The following FSIP1 variants were observed in gnomAD, a reference collection of about 807,000 sequenced individuals.
FSIP1 encodes fibrous sheath interacting protein 1, also known as fibrous sheath-interacting protein 1.
A neutral mutation model predicts 60.9 loss-of-function variants in FSIP1; 65 were observed. The observed-to-expected ratio is 1.07, with a 90% CI of 0.87 to 1.31. The LOEUF (loss-of-function observed/expected upper bound fraction) is 1.31, where lower values mean the gene tolerates loss of function less well. FSIP1 is among the 40% of genes most tolerant of loss of function. The probability of loss-of-function intolerance (pLI) is 0.00; values close to 1 mark genes in which losing one functional copy is unlikely to be tolerated. For missense variants in FSIP1, 675 were observed against 665.5 expected (o/e 1.01, Z -0.16); for synonymous variants, 209 against 221.2 (o/e 0.94, Z 0.49).
chr15:39,766,924 C>T (rs112440995), intron 3 of FSIP1, among the ~76,000 whole-genome samples: 14,015 of 152,138 alleles, frequency 0.092, 855 homozygotes, highest in Non-Finnish European at 0.14. Context: ...ACTGCAACCT[C>T]GAACGCCTGG....
At chr15:39,603,151 G>A (rs1051650029) in intron 11 of FSIP1, among the ~76,000 whole-genome samples, 1 of 152,154 alleles carries the variant, frequency 6.6e-6, no homozygotes, top group Non-Finnish European at 1.5e-5. Flanking sequence ...AAAACTCTTG[G>A]AACTTAGAAA....
At chr15:39,767,791 C>T (rs1036329564) in intron 3 of FSIP1, among the ~76,000 whole-genome samples, 6 of 152,172 alleles carry the variant, frequency 3.9e-5, no homozygotes, top group Non-Finnish European at 7.4e-5. Flanking sequence ...ACCACCTTCC[C>T]ACTCCATCCC....
chr15:39,647,662 C>T (rs1274770467), intron 10 of FSIP1, among the ~76,000 whole-genome samples: 4 of 149,478 alleles, frequency 2.7e-5, no homozygotes, highest in African/African-American at 1.0e-4. Flanking sequence ...AAAATTTACA[C>T]TTAAAGCTTC....
intron 3 of FSIP1, among the ~76,000 whole-genome samples, chr15:39,767,226 C>T (rs886459481): frequency 1.3e-5 from 2 of 152,114 alleles, no homozygotes; most frequent in African/African-American, 4.8e-5. Flanking sequence ...AAGGAGGTTC[C>T]TTGAATCTTA....
At chr15:39,643,816 T>C (rs1014194184) in intron 10 of FSIP1, among the ~76,000 whole-genome samples, 1 of 152,250 alleles carries the variant, frequency 6.6e-6, no homozygotes, top group African/African-American at 2.4e-5. Flanking sequence ...CAGCATATAT[T>C]ATTTCATAAG....
intron 10 of FSIP1, among the ~76,000 whole-genome samples, chr15:39,626,917 A>T (rs1891663304): frequency 6.6e-6 from 1 of 152,156 alleles, no homozygotes; most frequent in South Asian, 2.1e-4. Context: ...GATCACCAGC[A>T]GCTCCTCTGC....
At chr15:39,630,388 C>T (rs1891832439) in intron 10 of FSIP1, among the ~76,000 whole-genome samples, 1 of 152,198 alleles carries the variant, frequency 6.6e-6, no homozygotes, top group Non-Finnish European at 1.5e-5. Context: ...TTAAATGACA[C>T]ATTTAAATAG....
chr15:39,641,861 C>T (rs1892384771), intron 10 of FSIP1, among the ~76,000 whole-genome samples: 1 of 152,190 alleles, frequency 6.6e-6, no homozygotes, highest in South Asian at 2.1e-4. Flanking sequence ...ACAGATTACC[C>T]AGCTGCTGTG....
At chr15:39,621,805 C>G (rs994085930) in intron 10 of FSIP1, among the ~76,000 whole-genome samples, 5 of 152,226 alleles carry the variant, frequency 3.3e-5, no homozygotes, top group African/African-American at 1.2e-4. Flanking sequence ...TACATTAAGC[C>G]CTCAAATTAA....
intron 4 of FSIP1, among the ~76,000 whole-genome samples, chr15:39,765,202 G>A (rs1897638380): frequency 6.6e-6 from 1 of 150,586 alleles, no homozygotes; most frequent in African/African-American, 2.4e-5. Context: ...GTAACACCAT[G>A]GTCCATGATT....
At chr15:39,749,268 A>AAAAAAAAAAAAAAAAAAAAAC (rs1897093304) in intron 5 of FSIP1, among the ~76,000 whole-genome samples, 1 of 150,542 alleles carries the variant, frequency 6.6e-6, no homozygotes, top group Non-Finnish European at 1.5e-5. Context: ...TCTTCCAAAA[A>AAAAAAAAAAAAAAAAAAAAAC]AAAAAAAACC....
At chr15:39,768,541 A>T (rs1897768365) in intron 3 of FSIP1, among the ~76,000 whole-genome samples, 2 of 152,250 alleles carry the variant, frequency 1.3e-5, no homozygotes, top group Non-Finnish European at 2.9e-5. Context: ...GAAGAGTGGT[A>T]TTGTTTAAAT....
At chr15:39,634,759 A>C (rs1414000264) in intron 10 of FSIP1, among the ~76,000 whole-genome samples, 1 of 152,234 alleles carries the variant, frequency 6.6e-6, no homozygotes, top group African/African-American at 2.4e-5. Context: ...ATAGAGAATG[A>C]AGCTTCACTG....
At chr15:39,734,233 T>C (rs8036035) in intron 8 of FSIP1, among the ~76,000 whole-genome samples, 9,372 of 152,194 alleles carry the variant, frequency 0.062, 901 homozygotes, top group African/African-American at 0.21. Flanking sequence ...AATAAATATT[T>C]GAATACACAA....
intron 10 of FSIP1, among the ~76,000 whole-genome samples, chr15:39,698,606 A>G (rs1894921659): frequency 6.6e-6 from 1 of 152,192 alleles, no homozygotes; most frequent in South Asian, 2.1e-4. Context: ...CCTCGTGATC[A>G]GTGTTTTCCC....
chr15:39,683,455 C>A (rs183031728), intron 10 of FSIP1, among the ~76,000 whole-genome samples: 2 of 152,016 alleles, frequency 1.3e-5, no homozygotes, highest in Admixed American at 6.6e-5. Flanking sequence ...ATAACACCTA[C>A]GTCTAACATA....
downstream of FSIP1, chr15:39,597,936 A>G (rs1308659561): frequency 6.6e-6 from 1 of 152,218 alleles, no homozygotes; most frequent in Admixed American, 6.5e-5. Flanking sequence ...ATGAGGGAGG[A>G]GCTGTCCTTG....
intron 5 of FSIP1, among the ~76,000 whole-genome samples, chr15:39,757,015 T>A (rs1897319952): frequency 6.6e-6 from 1 of 152,072 alleles, no homozygotes; most frequent in South Asian, 2.1e-4. Context: ...AGCTTTAAAA[T>A]TTTTTTAAAT....
At chr15:39,744,407 C>A (rs1378490499) in intron 5 of FSIP1, among the ~76,000 whole-genome samples, 1 of 152,130 alleles carries the variant, frequency 6.6e-6, no homozygotes, top group Non-Finnish European at 1.5e-5. Context: ...TCCTGCCACC[C>A]ATGGAAGAAA....
Sources: gnomAD v4.1 joint callset for allele counts (sites outside exome capture counted in the v4.1 genomes callset) on GRCh38, gnomAD v4.1.1 for gene constraint, MANE v1.5 for transcripts, NCBI Gene and HGNC (gene_info 2026-07-23, HGNC 2026-07-21) for gene names.